SORCS1: variants seen among roughly 807,000 people sequenced by gnomAD.
SORCS1 encodes the protein sortilin related VPS10 domain containing receptor 1, also known as VPS10 domain-containing receptor SorCS1.
SORCS1 carries 60 observed loss-of-function variants against 146.1 expected under a neutral mutation model. The observed-to-expected ratio is 0.41, with a 90% CI of 0.33 to 0.51. The LOEUF (loss-of-function observed/expected upper bound fraction) is 0.51. Ranked by LOEUF, SORCS1 falls within the 20% of genes least tolerant of loss-of-function variation. SORCS1 has a pLI of 0.21. For missense variants in SORCS1, 1,352 were observed against 1,487.6 expected (o/e 0.91, Z 1.50); for synonymous variants, 637 against 584.0 (o/e 1.09, Z -1.31).
At chr10:106,843,224 T>C (rs1949131603) in intron 2 of SORCS1, among the ~76,000 whole-genome samples, 1 of 152,076 alleles carries the variant, frequency 6.6e-6, no homozygotes, top group Non-Finnish European at 1.5e-5. Context: ...TGAAAAGTTT[T>C]TATGCTTTGA....
chr10:106,758,267 A>G (rs939420191), intron 5 of SORCS1, among the ~76,000 whole-genome samples: 2 of 152,222 alleles, frequency 1.3e-5, no homozygotes, highest in African/African-American at 4.8e-5. Flanking sequence ...ATAATAATGC[A>G]TAAATAAGAC....
At position 106,881,869 on chromosome 10, in the gene SORCS1, T is replaced by G. The variant is rs182368634; in HGVS notation, c.627-52196A>C. Among the ~76,000 whole-genome samples the G allele has an allele frequency of 2.6e-5, 4 of 152,362 alleles. No individual in the cohort carries two copies. In the East Asian group the frequency reaches 7.7e-4, roughly 29 times the overall value. ...TTCAACCAACATGTACTGAACATTC[T>G]ATTGTATGCCATAGGCCCTGCAAAA... On this transcript the variant is annotated intron_variant, in intron 2 of 25. Transcript: ENST00000263054.
intron 1 of SORCS1, among the ~76,000 whole-genome samples, chr10:106,961,025 T>C (rs1955198041): frequency 1.3e-5 from 2 of 152,174 alleles, no homozygotes; most frequent in Admixed American, 6.6e-5. Context: ...GAGAGGAGAA[T>C]GTCAATTACA....
At chr10:106,777,919 T>A in intron 3 of SORCS1, among the ~76,000 whole-genome samples, 1 of 152,194 alleles carries the variant, frequency 6.6e-6, no homozygotes, top group East Asian at 1.9e-4. Context: ...TTTAATGTGT[T>A]GCTGTATGAA....
chr10:106,906,504 C>T (rs887286911), intron 2 of SORCS1, among the ~76,000 whole-genome samples: 4 of 152,136 alleles, frequency 2.6e-5, no homozygotes, highest in South Asian at 2.1e-4. Flanking sequence ...ACTTCTTACA[C>T]GGCAGCAGCA....
chr10:107,021,623 T>C (rs1202431795), intron 1 of SORCS1, among the ~76,000 whole-genome samples: 1 of 151,772 alleles, frequency 6.6e-6, no homozygotes, highest in Admixed American at 6.6e-5. Context: ...GTGACCTTCT[T>C]GATCTAAAAA....
chr10:106,612,138 A>G, intron 21 of SORCS1, 115 bp from the exon 22 acceptor site: 1 of 718,714 alleles, frequency 1.4e-6, no homozygotes, highest in Non-Finnish European at 2.3e-6. Flanking sequence ...TACCATAGGG[A>G]CCTTTTTAGA....
At chr10:106,937,232 T>C (rs1953772773) in intron 2 of SORCS1, among the ~76,000 whole-genome samples, 1 of 151,110 alleles carries the variant, frequency 6.6e-6, no homozygotes, top group Non-Finnish European at 1.5e-5. Context: ...TTCAGTGACA[T>C]GGTCTCAGCT....
rs1472990775 is a variant in SORCS1 at position 106,960,489 on chromosome 10, C to T, written c.559-3909G>A. ...GCGTGATCTCGGCTCACTGCAACCT[C>T]CGCCTCACAGGTTCAAGCAATTCTC... On this transcript the variant is annotated intron_variant, in intron 1 of 25. Transcript: ENST00000263054. The surrounding 1 kb of genome is among the most constrained non-coding windows in gnomAD (Gnocchi z 4.4). Among the ~76,000 whole-genome samples, 2 of 151,928 alleles carry T rather than the reference C, an allele frequency of 1.3e-5. No individual in the cohort carries two copies. Among genetic ancestry groups the T allele is most frequent in the East Asian group, 3.9e-4 (2 of 5,174 alleles).
At chr10:106,872,013 C>G (rs890706265) in intron 2 of SORCS1, among the ~76,000 whole-genome samples, 1 of 151,876 alleles carries the variant, frequency 6.6e-6, no homozygotes, top group African/African-American at 2.4e-5. Flanking sequence ...GTCAATGAAA[C>G]AAATAAAGAA....
intron 3 of SORCS1, among the ~76,000 whole-genome samples, chr10:106,789,250 T>C (rs1451824984): frequency 6.6e-6 from 1 of 152,208 alleles, no homozygotes; most frequent in East Asian, 1.9e-4. Flanking sequence ...AGCCATGAAG[T>C]TCTCTGACAT....
chr10:106,632,597 G>A (rs1201682682), intron 18 of SORCS1, among the ~76,000 whole-genome samples: 1 of 152,214 alleles, frequency 6.6e-6, no homozygotes, highest in East Asian at 1.9e-4. Flanking sequence ...TTTATTGACT[G>A]TCTATCTCAT....
intron 3 of SORCS1, among the ~76,000 whole-genome samples, chr10:106,783,318 C>A (rs1464617592): frequency 3.3e-5 from 5 of 152,138 alleles, no homozygotes; most frequent in Non-Finnish European, 5.9e-5. Flanking sequence ...GCAATTTGCT[C>A]AAGGTTGCAC....
chr10:107,163,843 A>T, intron 1 of SORCS1, 126 bp downstream of exon 1: 1 of 1,080,462 alleles, frequency 9.3e-7, no homozygotes, highest in South Asian at 1.6e-5. Context: ...AAGTGGGCAG[A>T]GACCAGTTTG....
intron 2 of SORCS1, among the ~76,000 whole-genome samples, chr10:106,935,346 G>A (rs966508457): frequency 1.3e-5 from 2 of 152,108 alleles, no homozygotes; most frequent in Non-Finnish European, 2.9e-5. Flanking sequence ...AAAGAGATAT[G>A]GAAACTTGGT....
At chr10:107,158,988 C>T (rs933296023) in intron 1 of SORCS1, among the ~76,000 whole-genome samples, 2 of 144,828 alleles carry the variant, frequency 1.4e-5, no homozygotes, top group African/African-American at 5.1e-5. Context: ...TTTTACTTTC[C>T]AATTTCACAT....
chr10:106,879,734 G>A (rs1254329361), intron 2 of SORCS1, among the ~76,000 whole-genome samples: 2 of 152,236 alleles, frequency 1.3e-5, no homozygotes, highest in Admixed American at 1.3e-4. Context: ...GTGTGAAGGA[G>A]CAGAGAACAA....
intron 1 of SORCS1, among the ~76,000 whole-genome samples, chr10:106,972,448 G>C (rs567637386): frequency 6.7e-6 from 1 of 148,732 alleles, no homozygotes; most frequent in Non-Finnish European, 1.5e-5. Context: ...CTTTATTTTT[G>C]ATTTGTGTCA....
intron 18 of SORCS1, among the ~76,000 whole-genome samples, chr10:106,640,312 G>C (rs1848992785): frequency 6.6e-6 from 1 of 152,148 alleles, no homozygotes; most frequent in South Asian, 2.1e-4. Flanking sequence ...ATTGAAACCT[G>C]TCTAATGAGG....
Sources: gnomAD v4.1 joint callset for allele counts (sites outside exome capture counted in the v4.1 genomes callset) on GRCh38, gnomAD v4.1.1 for gene constraint, Gnocchi (gnomAD v3.1) non-coding constraint, MANE v1.5 for transcripts, NCBI Gene and HGNC (gene_info 2026-07-23, HGNC 2026-07-21) for gene names.